FRMD4B: variants seen among roughly 807,000 people sequenced by gnomAD.
FRMD4B encodes the protein FERM domain containing 4B.
FRMD4B carries 74 observed loss-of-function variants against 141.5 expected under a neutral mutation model. That is an observed-to-expected ratio of 0.52 (90% CI 0.43 to 0.63). The LOEUF is 0.63. Ranked by LOEUF, FRMD4B falls within the 30% of genes least tolerant of loss-of-function variation. The probability of loss-of-function intolerance (pLI) is 0.00; values close to 1 mark genes in which losing one functional copy is unlikely to be tolerated. For synonymous variants in FRMD4B, 506 were observed against 467.9 expected, an observed-to-expected ratio of 1.08 and a Z score of -1.05; for missense variants, 1,366 against 1,253.4, an observed-to-expected ratio of 1.09 and a Z score of -1.36.
intron 9 of FRMD4B, among the ~76,000 whole-genome samples, chr3:69,220,294 G>A (rs1183182270): frequency 6.6e-6 from 1 of 152,174 alleles, no homozygotes; most frequent in Non-Finnish European, 1.5e-5. Context: ...ACAATGGTAA[G>A]TATTTGAGTA....
Position 69,196,900 on chromosome 3 carries a change from T to C in FRMD4B, c.1092A>G (p.Lys364=). 2 of 1,609,064 alleles carry C rather than the reference T, an allele frequency of 1.2e-6. No individual in the cohort carries two copies. Among genetic ancestry groups the C allele is most frequent in the Non-Finnish European group, 8.5e-7 (1 of 1,175,958 alleles). ...TATAGAAATGATGCCAGTTACTTAC[T>C]TTGCTTTGCTTCCGGTCCAAGTAAA... ...HQFYLDRKQS[K]AKIPSARSLD... Residue 364 remains lysine (K), a splice_region_variant and synonymous_variant, in exon 13 of 23, where the codon AAA becomes AAG. Transcript: ENST00000398540.
At chr3:69,467,924 A>G (rs1370182873) in intron 1 of FRMD4B, among the ~76,000 whole-genome samples, 4 of 152,154 alleles carry the variant, frequency 2.6e-5, no homozygotes, top group Non-Finnish European at 5.9e-5. Context: ...ATGTGGAAAA[A>G]CGCAGAGCCA....
At chr3:69,397,305 C>T (rs1379755988) in intron 2 of FRMD4B, among the ~76,000 whole-genome samples, 4 of 151,792 alleles carry the variant, frequency 2.6e-5, no homozygotes. Context: ...TGGTGGTTGC[C>T]AGGGAGTTGG....
intron 1 of FRMD4B, among the ~76,000 whole-genome samples, chr3:69,434,821 G>T (rs1575801621): frequency 6.6e-6 from 1 of 152,268 alleles, no homozygotes; most frequent in South Asian, 2.1e-4. Flanking sequence ...GTTTGCTAGG[G>T]CTGCCGTAAC....
At chr3:69,223,229 A>G (rs979287717) in intron 8 of FRMD4B, among the ~76,000 whole-genome samples, 1 of 152,160 alleles carries the variant, frequency 6.6e-6, no homozygotes, top group African/African-American at 2.4e-5. Context: ...TTAAAAAACT[A>G]TCAAGGCTGG....
intron 3 of FRMD4B, chr3:69,310,600 A>T (rs2107219847): frequency 1.2e-5 from 4 of 337,498 alleles, no homozygotes; most frequent in South Asian, 6.9e-5. Flanking sequence ...AGAGAGAGAG[A>T]GAGAGAGAGA....
At chr3:69,219,512 T>C (rs2093173294) in intron 9 of FRMD4B, among the ~76,000 whole-genome samples, 1 of 152,032 alleles carries the variant, frequency 6.6e-6, no homozygotes, top group South Asian at 2.1e-4. Flanking sequence ...AGACTCCACA[T>C]CCTAGAGCCT....
At chr3:69,382,894 C>G (rs1704150471) in intron 1 of FRMD4B, among the ~76,000 whole-genome samples, 1 of 152,124 alleles carries the variant, frequency 6.6e-6, no homozygotes, top group Non-Finnish European at 1.5e-5. Flanking sequence ...GCATGGTACC[C>G]TGATCAAACA....
chr3:69,289,693 G>A (rs1214149609), intron 4 of FRMD4B, among the ~76,000 whole-genome samples: 3 of 152,242 alleles, frequency 2.0e-5, no homozygotes, highest in South Asian at 2.1e-4. Flanking sequence ...CAGCTACTCC[G>A]GAGGCTGGGG....
At chr3:69,334,504 G>C (rs1702479609) in intron 1 of FRMD4B, 1 of 151,654 alleles carries the variant, frequency 6.6e-6, no homozygotes, top group Admixed American at 6.6e-5. Context: ...AAATACAATA[G>C]TGGGACTGGG....
At chr3:69,185,498 G>A (rs1219384393) in intron 19 of FRMD4B, among the ~76,000 whole-genome samples, 2 of 151,830 alleles carry the variant, frequency 1.3e-5, no homozygotes, top group Admixed American at 6.6e-5. Flanking sequence ...GCTGAGATGT[G>A]GTATAACATG....
chr3:69,540,660 T>TATATACACACACAC (rs1241897477), intron 1 of FRMD4B, among the ~76,000 whole-genome samples: 32 of 56,850 alleles, frequency 5.6e-4, no homozygotes, highest in African/African-American at 3.3e-3. Context: ...TATATATATA[T>TATATACACACACAC]ACACACACAC....
chr3:69,439,466 T>C (rs1222977624), intron 1 of FRMD4B, among the ~76,000 whole-genome samples: 2 of 152,190 alleles, frequency 1.3e-5, no homozygotes, highest in African/African-American at 2.4e-5. Flanking sequence ...TCCAAGGTAT[T>C]ATTTGGAAAT....
chr3:69,470,704 T>C (rs969000632), intron 1 of FRMD4B, among the ~76,000 whole-genome samples: 3 of 152,110 alleles, frequency 2.0e-5, no homozygotes, highest in African/African-American at 7.2e-5. Context: ...CAGCAAGCAG[T>C]TTCAGTAACC....
At chr3:69,533,731 T>C (rs540184047) in intron 1 of FRMD4B, among the ~76,000 whole-genome samples, 2 of 152,260 alleles carry the variant, frequency 1.3e-5, no homozygotes, top group South Asian at 4.1e-4. Context: ...CACCTGCTGC[T>C]GCAAATCTTT....
chr3:69,325,081 A>AG, intron 1 of FRMD4B, among the ~76,000 whole-genome samples: 1 of 13,326 alleles, frequency 7.5e-5, no homozygotes, highest in Non-Finnish European at 3.3e-4. Flanking sequence ...TGTCTAAAAA[A>AG]AAAAAAAGAA....
chr3:69,518,011 T>C (rs1391295068), intron 1 of FRMD4B, among the ~76,000 whole-genome samples: 1 of 152,232 alleles, frequency 6.6e-6, no homozygotes, highest in Non-Finnish European at 1.5e-5. Context: ...CTGCTGCTGC[T>C]GCTGCTGGTT....
chr3:69,221,750 C>T lies in FRMD4B; in HGVS notation c.731+108G>A, dbSNP rs2093197041. The T allele has an allele frequency of 5.8e-6, 4 of 693,642 alleles. No individual in the cohort carries two copies. In the South Asian group the frequency reaches 6.3e-5, roughly 11 times the overall value. The allele number at this position is 693,642 out of a possible 1,614,324, so 43.0% of individuals were successfully genotyped here. ...CTAATTCACAGTAAGATATTTCTAA[C>T]CAGATAAGGACTATGTTCACAAAAA... On this transcript the variant is annotated intron_variant, in intron 9 of 22. Transcript: ENST00000398540.
chr3:69,460,500 A>C (rs1268047353), intron 1 of FRMD4B, among the ~76,000 whole-genome samples: 1 of 152,156 alleles, frequency 6.6e-6, no homozygotes, highest in African/African-American at 2.4e-5. Context: ...GAGGACACAA[A>C]TTGTCATCAG....
Sources: gnomAD v4.1 joint callset for allele counts (sites outside exome capture counted in the v4.1 genomes callset) on GRCh38, gnomAD v4.1.1 for gene constraint, MANE v1.5 for transcripts, NCBI Gene and HGNC (gene_info 2026-07-23, HGNC 2026-07-21) for gene names.